THADA: variants seen among roughly 807,000 people sequenced by gnomAD.
THADA encodes THADA armadillo repeat containing, also known as tRNA (32-2'-O)-methyltransferase regulator THADA.
In THADA, 213 loss-of-function variants were observed where a neutral mutation model predicts 219.8. The ratio of observed to expected loss-of-function variants is 0.97; its 90% confidence interval spans 0.87 to 1.09. THADA has a LOEUF of 1.09. Among genes scored for constraint, THADA ranks in the 50% least tolerant of loss-of-function variants. The pLI is 0.00. For missense variants in THADA, 2,956 were observed against 2,311.3 expected, an observed-to-expected ratio of 1.28 and a Z score of -5.72; for synonymous variants, 1,018 against 828.9, an observed-to-expected ratio of 1.23 and a Z score of -3.92.
intron 24 of THADA, among the ~76,000 whole-genome samples, chr2:43,501,719 A>G (rs1689004014): frequency 6.6e-6 from 1 of 151,964 alleles, no homozygotes; most frequent in Non-Finnish European, 1.5e-5. Context: ...CTTAGCGGGC[A>G]GATCACTTGA....
chr2:43,457,502 C>T (rs1477266357), intron 26 of THADA, among the ~76,000 whole-genome samples: 3 of 151,982 alleles, frequency 2.0e-5, no homozygotes, highest in African/African-American at 2.4e-5. Context: ...TCAAATTTGC[C>T]AGGAAACAAG....
chr2:43,344,057 A>C, intron 30 of THADA, 65 bp downstream of exon 30: 1 of 1,165,964 alleles, frequency 8.6e-7, no homozygotes, highest in South Asian at 1.3e-5. Flanking sequence ...ACAACTAGAA[A>C]CAGCAATTCT....
At chr2:43,490,314 G>A (rs1687469809) in intron 25 of THADA, among the ~76,000 whole-genome samples, 1 of 152,032 alleles carries the variant, frequency 6.6e-6, no homozygotes, top group African/African-American at 2.4e-5. Flanking sequence ...TCCTTTACTG[G>A]ATAACTTTTA....
Position 43,586,714 on chromosome 2 carries a change from GATT to G in THADA, c.469_471del (p.Asn157del). The G allele has an allele frequency of 6.2e-7, 1 of 1,612,070 alleles. No homozygotes were observed. The highest frequency in any genetic ancestry group is 8.5e-7 in the Non-Finnish European group (1 of 1,179,512). Reference sequence around the variant, plus strand: ...TAATAGGACTTACCATTTTTAAGCAGATTATTAACACTTGCTCTACCTGTAGAG... The same window carrying G: ...TAATAGGACTTACCATTTTTAAGCAGATTAACACTTGCTCTACCTGTAGAG... On this transcript the variant is annotated inframe_deletion, in exon 6 of 38. Coordinates refer to ENST00000405975, the MANE Select transcript of THADA (RefSeq NM_022065.5).
chr2:43,499,032 A>G, intron 24 of THADA, 77 bp from the exon 25 acceptor site: 1 of 1,415,286 alleles, frequency 7.1e-7, no homozygotes, highest in Non-Finnish European at 9.3e-7. Context: ...CCAATAGTAC[A>G]GCTTCAAAAC....
At chr2:43,332,991 T>C (rs1490108187) in intron 30 of THADA, among the ~76,000 whole-genome samples, 7 of 152,180 alleles carry the variant, frequency 4.6e-5, no homozygotes, top group African/African-American at 1.7e-4. Context: ...AATATATTGA[T>C]CACTTCTGAC....
chr2:43,264,799 G>A (rs1191401008), intron 36 of THADA, among the ~76,000 whole-genome samples: 1 of 152,162 alleles, frequency 6.6e-6, no homozygotes, highest in Non-Finnish European at 1.5e-5. Flanking sequence ...ACACAGGAAG[G>A]TCAGCGCTTT....
At chr2:43,251,810 C>T (rs1455111361) in intron 36 of THADA, among the ~76,000 whole-genome samples, 1 of 152,226 alleles carries the variant, frequency 6.6e-6, no homozygotes, top group African/African-American at 2.4e-5. Context: ...TCAGATGTGT[C>T]CCCATGTTCA....
intron 22 of THADA, among the ~76,000 whole-genome samples, chr2:43,511,209 GA>G (rs1375289714): frequency 1.3e-5 from 2 of 152,086 alleles, no homozygotes; most frequent in Non-Finnish European, 2.9e-5. Flanking sequence ...TGCTACGTAG[GA>G]AAAACTAAGG....
At chr2:43,320,680 T>TGACC in intron 30 of THADA, 140 bp from the exon 31 acceptor site, 1 of 572,350 alleles carries the variant, frequency 1.7e-6, no homozygotes, top group Admixed American at 3.5e-5. Context: ...TGATGTACAA[T>TGACC]CATTGATGGC....
chr2:43,483,081 T>G (rs1686430170), intron 26 of THADA, among the ~76,000 whole-genome samples: 1 of 152,118 alleles, frequency 6.6e-6, no homozygotes. Context: ...TTATGTCCAG[T>G]TCCCTCTGAC....
intron 26 of THADA, among the ~76,000 whole-genome samples, chr2:43,444,500 G>C (rs1681264585): frequency 4.6e-5 from 7 of 152,136 alleles, no homozygotes; most frequent in South Asian, 2.1e-4. Context: ...TGAGTTTTTA[G>C]AGCATCTGAG....
At chr2:43,364,783 G>T (rs1484333172) in intron 29 of THADA, among the ~76,000 whole-genome samples, 2 of 152,150 alleles carry the variant, frequency 1.3e-5, no homozygotes, top group Non-Finnish European at 2.9e-5. Flanking sequence ...ATTAGAGGAA[G>T]GTCCATGGAG....
At chr2:43,385,013 C>T (rs774166984) in intron 29 of THADA, among the ~76,000 whole-genome samples, 10 of 151,698 alleles carry the variant, frequency 6.6e-5, no homozygotes, top group African/African-American at 1.5e-4. Flanking sequence ...TGGTGGTGCA[C>T]GCCTGTAGTC....
At chr2:43,318,906 G>A (rs976653560) in intron 31 of THADA, among the ~76,000 whole-genome samples, 1 of 152,124 alleles carries the variant, frequency 6.6e-6, no homozygotes, top group African/African-American at 2.4e-5. Flanking sequence ...CAACATATAA[G>A]GATTAACCAT....
chr2:43,555,592 A>G (rs2103903663), intron 17 of THADA, among the ~76,000 whole-genome samples: 1 of 152,264 alleles, frequency 6.6e-6, no homozygotes, highest in Non-Finnish European at 1.5e-5. Context: ...AAGCAATTCA[A>G]GTAGGCAAGC....
intron 29 of THADA, among the ~76,000 whole-genome samples, chr2:43,378,285 T>C (rs1671613814): frequency 6.6e-6 from 1 of 151,956 alleles, no homozygotes; most frequent in African/African-American, 2.4e-5. Context: ...AACTAGAAAA[T>C]ACATCTGAGG....
intron 22 of THADA, among the ~76,000 whole-genome samples, chr2:43,515,880 TCTACTAGA>T (rs1431801185): frequency 6.6e-6 from 1 of 152,074 alleles, no homozygotes; most frequent in Non-Finnish European, 1.5e-5. Context: ...CAATGGGGTG[TCTACTAGA>T]CATGCCAAAC....
At chr2:43,384,086 A>G (rs1030017138) in intron 29 of THADA, among the ~76,000 whole-genome samples, 1 of 152,182 alleles carries the variant, frequency 6.6e-6, no homozygotes. Flanking sequence ...GTAAGAGTTA[A>G]CTTCTGAAAT....
Sources: gnomAD v4.1 joint callset for allele counts (sites outside exome capture counted in the v4.1 genomes callset) on GRCh38, gnomAD v4.1.1 for gene constraint, MANE v1.5 for transcripts, NCBI Gene and HGNC (gene_info 2026-07-23, HGNC 2026-07-21) for gene names.